Variants in PRKAA1 observed in about 807,000 individuals in gnomAD.
The protein encoded by PRKAA1 is protein kinase AMP-activated catalytic subunit alpha 1.
In PRKAA1, 23 loss-of-function variants were observed where a neutral mutation model predicts 56.9. That is an observed-to-expected ratio of 0.40 (90% CI 0.29 to 0.57). The LOEUF (loss-of-function observed/expected upper bound fraction) is 0.57, where lower values mean the gene tolerates loss of function less well. Ranked by LOEUF, PRKAA1 falls within the 20% of genes least tolerant of loss-of-function variation. The pLI is 0.39. For synonymous variants in PRKAA1, 226 were observed against 227.0 expected, an observed-to-expected ratio of 1.00 and a Z score of 0.04; for missense variants, 413 against 679.7, an observed-to-expected ratio of 0.61 and a Z score of 4.36.
At chr5:40,780,666 G>A (rs1744231729) in intron 1 of PRKAA1, among the ~76,000 whole-genome samples, 1 of 152,150 alleles carries the variant, frequency 6.6e-6, no homozygotes, top group Non-Finnish European at 1.5e-5. Context: ...GGGGCTGCTG[G>A]TGTATGTCCT....
At chr5:40,783,618 G>A (rs1744352442) in intron 1 of PRKAA1, among the ~76,000 whole-genome samples, 1 of 152,056 alleles carries the variant, frequency 6.6e-6, no homozygotes, top group South Asian at 2.1e-4. Context: ...AATTAACCAG[G>A]CGTGTTGGCA....
At chr5:40,771,964 C>A in intron 3 of PRKAA1, 101 bp from the exon 4 acceptor site, 1 of 1,405,874 alleles carries the variant, frequency 7.1e-7, no homozygotes. Context: ...ACATGAAAAT[C>A]TTCCCAATGA....
At position 40,784,837 on chromosome 5, in the gene PRKAA1, C is replaced by T. The variant is rs115866007; in HGVS notation, c.128-7251G>A. Among the ~76,000 whole-genome samples, 448 of 152,208 alleles carry T rather than the reference C, an allele frequency of 2.9e-3. 3 individuals carry two copies. The highest frequency in any genetic ancestry group is 0.01 in the African/African-American group (435 of 41,532). On this transcript the variant is annotated intron_variant, in intron 1 of 8. Transcript: ENST00000397128. ...GTTACACAGCTAATGAGTGGAAAAG[C>T]CAAAACTTCAACCCAGGTCAGACTC...
intron 3 of PRKAA1, 42 bp from the exon 4 acceptor site, chr5:40,771,905 A>T (rs1743765593): frequency 1.3e-6 from 2 of 1,586,334 alleles, no homozygotes; most frequent in Non-Finnish European, 1.7e-6. Context: ...GTGTCTTTCA[A>T]AGTAAATTGT....
intron 3 of PRKAA1, among the ~76,000 whole-genome samples, chr5:40,775,196 G>A (rs1042722906): frequency 2.0e-5 from 3 of 152,176 alleles, no homozygotes; most frequent in Admixed American, 6.5e-5. Context: ...CATATAAGCC[G>A]CGAGGCTCAG....
chr5:40,768,498 ATT>A, intron 5 of PRKAA1: 1 of 940,552 alleles, frequency 1.1e-6, no homozygotes, highest in South Asian at 4.9e-5. Flanking sequence ...TTTTTTAAAA[ATT>A]TTTTAAATAA....
At chr5:40,782,137 C>T (rs249429) in intron 1 of PRKAA1, among the ~76,000 whole-genome samples, 107,093 of 151,866 alleles carry the variant, frequency 0.71, 37,806 homozygotes, top group East Asian at 0.8. Flanking sequence ...GACTCAAGAC[C>T]TGGAAAGAAT....
At chr5:40,786,006 G>A (rs1744465889) in intron 1 of PRKAA1, among the ~76,000 whole-genome samples, 1 of 152,194 alleles carries the variant, frequency 6.6e-6, no homozygotes, top group Admixed American at 6.5e-5. Context: ...TGTAATCCCA[G>A]CACTTTGGGA....
chr5:40,763,544 T>C (rs1417043146), intron 8 of PRKAA1, among the ~76,000 whole-genome samples: 1 of 152,176 alleles, frequency 6.6e-6, no homozygotes, highest in East Asian at 1.9e-4. Flanking sequence ...TTTCCCTTCA[T>C]ATTTCATTTA....
At chr5:40,767,429 A>C (rs753087698) in intron 6 of PRKAA1, 37 bp downstream of exon 6, 2 of 1,507,712 alleles carry the variant, frequency 1.3e-6, no homozygotes, top group East Asian at 4.5e-5. Context: ...TATCATGGAT[A>C]CTATCAGATC....
chr5:40,797,507 A>T (rs1310166500), intron 1 of PRKAA1, among the ~76,000 whole-genome samples: 2 of 152,088 alleles, frequency 1.3e-5, no homozygotes, highest in East Asian at 3.8e-4. Context: ...CATGGTCTTT[A>T]AAAAAAATGA....
intron 4 of PRKAA1, among the ~76,000 whole-genome samples, chr5:40,769,804 T>A (rs1366703458): frequency 6.9e-6 from 1 of 144,548 alleles, no homozygotes; most frequent in Non-Finnish European, 1.5e-5. Flanking sequence ...CAGAAATCAC[T>A]AGGGAAAATA....
intron 1 of PRKAA1, among the ~76,000 whole-genome samples, chr5:40,796,579 T>C (rs1315927143): frequency 6.6e-6 from 1 of 152,224 alleles, no homozygotes; most frequent in Non-Finnish European, 1.5e-5. Context: ...GGACCTGTCC[T>C]AATAGCTGTT....
At position 40,762,694 on chromosome 5, in the gene PRKAA1, A is replaced by G. The variant is rs1743244705; in HGVS notation, c.*84T>C. Reference sequence around the variant, plus strand: ...CGCCAGCCCTCGGTTATAATTATGTATAACTTGATTACAAATGGAAGCATT... The same window carrying G: ...CGCCAGCCCTCGGTTATAATTATGTGTAACTTGATTACAAATGGAAGCATT... On this transcript the variant is annotated 3_prime_UTR_variant, in exon 9 of 9. Coordinates refer to ENST00000397128, the MANE Select transcript of PRKAA1 (RefSeq NM_006251.6). 5 of 1,537,456 alleles carry G rather than the reference A, an allele frequency of 3.3e-6. No homozygotes were observed. Among genetic ancestry groups the G allele is most frequent in the Non-Finnish European group, 4.4e-6 (5 of 1,129,856 alleles).
chr5:40,774,904 A>C, intron 3 of PRKAA1: 1 of 1,564,828 alleles, frequency 6.4e-7, no homozygotes, highest in Non-Finnish European at 8.8e-7. Flanking sequence ...TTCCAGCTGT[A>C]AATTCTTTAT....
At chr5:40,778,333 T>A (rs1229659273) in intron 1 of PRKAA1, among the ~76,000 whole-genome samples, 1 of 152,156 alleles carries the variant, frequency 6.6e-6, no homozygotes, top group Non-Finnish European at 1.5e-5. Context: ...CAAATATAAG[T>A]TATTTTCTCT....
chr5:40,767,166 A>G (rs891258076), intron 6 of PRKAA1, among the ~76,000 whole-genome samples: 2 of 152,174 alleles, frequency 1.3e-5, no homozygotes, highest in African/African-American at 4.8e-5. Context: ...CCACAGCACC[A>G]ATCTTTCATT....
chr5:40,774,558 T>C (rs1235396094), intron 3 of PRKAA1, among the ~76,000 whole-genome samples: 2 of 149,610 alleles, frequency 1.3e-5, no homozygotes, highest in Non-Finnish European at 3.0e-5. Context: ...AATTTTTTTT[T>C]TTTTTTTTTT....
At chr5:40,770,595 CTTTTT>C (rs750590564) in intron 4 of PRKAA1, among the ~76,000 whole-genome samples, 1 of 111,908 alleles carries the variant, frequency 8.9e-6, no homozygotes, top group African/African-American at 3.1e-5. Context: ...AAAATAAATT[CTTTTT>C]TTTTTTTTTT....
Sources: gnomAD v4.1 joint callset for allele counts (sites outside exome capture counted in the v4.1 genomes callset) on GRCh38, gnomAD v4.1.1 for gene constraint, MANE v1.5 for transcripts, NCBI Gene and HGNC (gene_info 2026-07-23, HGNC 2026-07-21) for gene names.